Variants in ACBD6 observed in about 807,000 individuals in gnomAD.
ACBD6 encodes the protein acyl-CoA binding domain containing 6.
ACBD6 carries 28 observed loss-of-function variants against 37.2 expected under a neutral mutation model. The observed-to-expected ratio is 0.75, with a 90% CI of 0.56 to 1.03. The LOEUF (loss-of-function observed/expected upper bound fraction) is 1.03, where lower values mean the gene tolerates loss of function less well. Ranked by LOEUF, ACBD6 falls within the 50% of genes least tolerant of loss-of-function variation. ACBD6 has a pLI of 0.00. For synonymous variants in ACBD6, 113 were observed against 126.8 expected (o/e 0.89, Z 0.73); for missense variants, 340 against 337.4 (o/e 1.01, Z -0.06).
exon 14 of ACBD6, chr1:180,269,655 T>A (rs1275093319): frequency 1.3e-5 from 2 of 152,218 alleles, no homozygotes; most frequent in Non-Finnish European, 2.9e-5. Flanking sequence ...TTAAAACATT[T>A]TTGGTGATTG....
chr1:180,282,742 T>C (rs1649350101), intron 8 of ACBD6, among the ~76,000 whole-genome samples: 1 of 152,164 alleles, frequency 6.6e-6, no homozygotes, highest in African/African-American at 2.4e-5. Flanking sequence ...AGAACTTCTA[T>C]ACTCAGTATG....
intron 6 of ACBD6, among the ~76,000 whole-genome samples, chr1:180,367,354 T>C (rs1352346825): frequency 6.6e-6 from 1 of 152,190 alleles, no homozygotes; most frequent in Non-Finnish European, 1.5e-5. Flanking sequence ...GCAGTCCCCT[T>C]CTATCCGAGG....
At chr1:180,482,965 A>G (rs142704471) in intron 3 of ACBD6, among the ~76,000 whole-genome samples, 427 of 152,320 alleles carry the variant, frequency 2.8e-3, no homozygotes, top group Non-Finnish European at 4.7e-3. Context: ...TCATGAAAAT[A>G]TCATTTAGTG....
At chr1:180,375,335 A>C (rs1045596231) in intron 6 of ACBD6, among the ~76,000 whole-genome samples, 3 of 151,898 alleles carry the variant, frequency 2.0e-5, no homozygotes, top group African/African-American at 7.2e-5. Flanking sequence ...GAGGGAACAG[A>C]CTGTTTTTTT....
intron 4 of ACBD6, among the ~76,000 whole-genome samples, chr1:180,428,520 A>C (rs1648689037): frequency 6.6e-6 from 1 of 152,240 alleles, no homozygotes; most frequent in South Asian, 2.1e-4. Flanking sequence ...GGATAAAGGA[A>C]GGAAGATTAA....
rs565698897 is a variant in ACBD6, at chr1:180,481,891, C to A, written c.384+10378G>T. On this transcript the variant is annotated intron_variant, in intron 3 of 7. Transcript: ENST00000367595. ...AATAGTAACACAAAGGCGAATCTGACACGGTCCTTGCCTTGAAGAGTCTAT... is the reference window on the plus strand; with the variant it reads ...AATAGTAACACAAAGGCGAATCTGAAACGGTCCTTGCCTTGAAGAGTCTAT... Among the ~76,000 whole-genome samples the A allele has an allele frequency of 1.1e-4, 17 of 152,286 alleles. No individual in the cohort carries two copies. The East Asian group carries it at 3.3e-3, about 29-fold the overall frequency.
At chr1:180,487,113 T>A (rs1651297884) in intron 3 of ACBD6, among the ~76,000 whole-genome samples, 1 of 152,120 alleles carries the variant, frequency 6.6e-6, no homozygotes, top group South Asian at 2.1e-4. Context: ...AGAAGATGGA[T>A]CAGCATTTGA....
At chr1:180,447,972 G>C (rs1649536909) in intron 3 of ACBD6, among the ~76,000 whole-genome samples, 1 of 151,814 alleles carries the variant, frequency 6.6e-6, no homozygotes, top group Non-Finnish European at 1.5e-5. Context: ...TTAGATACTT[G>C]AAGTTACCCA....
chr1:180,346,385 C>T (rs1225281109), intron 6 of ACBD6, among the ~76,000 whole-genome samples: 1 of 152,126 alleles, frequency 6.6e-6, no homozygotes, highest in African/African-American at 2.4e-5. Context: ...CCAAAGTAAG[C>T]CCCAATGACC....
intron 6 of ACBD6, among the ~76,000 whole-genome samples, chr1:180,372,260 A>G (rs1653289245): frequency 6.6e-6 from 1 of 152,122 alleles, no homozygotes; most frequent in Non-Finnish European, 1.5e-5. Context: ...TTATATATAC[A>G]GAAAAGTAGA....
chr1:180,491,979 T>C (rs1651522017), intron 3 of ACBD6, among the ~76,000 whole-genome samples: 1 of 152,024 alleles, frequency 6.6e-6, no homozygotes, highest in Admixed American at 6.6e-5. Flanking sequence ...CCAGCTAATT[T>C]TTGTATTTTT....
chr1:180,282,858 A>C (rs1341152612), intron 8 of ACBD6, among the ~76,000 whole-genome samples: 1 of 152,050 alleles, frequency 6.6e-6, no homozygotes, highest in Non-Finnish European at 1.5e-5. Context: ...CGCATTAACC[A>C]CTTTCTGTAT....
At chr1:180,384,072 T>A (rs750117110) in intron 6 of ACBD6, among the ~76,000 whole-genome samples, 1 of 150,378 alleles carries the variant, frequency 6.6e-6, no homozygotes, top group Non-Finnish European at 1.5e-5. Flanking sequence ...AACTACTAGA[T>A]GAAAACATAG....
intron 7 of ACBD6, among the ~76,000 whole-genome samples, chr1:180,312,621 G>A (rs1240994151): frequency 2.0e-5 from 3 of 151,966 alleles, no homozygotes; most frequent in South Asian, 2.1e-4. Flanking sequence ...TTCTTGTTTC[G>A]GATTTTAAAG....
intron 6 of ACBD6, among the ~76,000 whole-genome samples, chr1:180,363,312 T>G (rs1383833486): frequency 6.6e-6 from 1 of 152,224 alleles, no homozygotes; most frequent in Non-Finnish European, 1.5e-5. Context: ...TAAATTTTGA[T>G]AGAGGACTGT....
exon 14 of ACBD6, chr1:180,271,284 A>G: frequency 7.2e-7 from 1 of 1,390,262 alleles, no homozygotes; most frequent in Non-Finnish European, 1.0e-6. Context: ...TACAGCAGGC[A>G]GGCTTAGGTG....
chr1:180,385,781 T>C (rs10798756), intron 6 of ACBD6, among the ~76,000 whole-genome samples: 76,869 of 151,936 alleles, frequency 0.51, 21,500 homozygotes, highest in South Asian at 0.66. Flanking sequence ...CCTCCAGAAC[T>C]GTGGGAATAA....
intron 7 of ACBD6, among the ~76,000 whole-genome samples, chr1:180,313,605 C>T (rs1356833145): frequency 6.6e-6 from 1 of 152,172 alleles, no homozygotes; most frequent in East Asian, 1.9e-4. Flanking sequence ...TCTAAGGTTG[C>T]CAAGACTGGC....
chr1:180,440,428 C>T (rs973220400), intron 3 of ACBD6, among the ~76,000 whole-genome samples: 3 of 152,288 alleles, frequency 2.0e-5, no homozygotes, highest in Non-Finnish European at 2.9e-5. Flanking sequence ...CTTTATTTCA[C>T]GTTTACTTCT....
Sources: allele counts gnomAD v4.1 joint callset (sites outside exome capture counted in the v4.1 genomes callset), GRCh38; gene constraint gnomAD v4.1.1; transcripts MANE v1.5; gene names NCBI Gene and HGNC (gene_info 2026-07-23, HGNC 2026-07-21).